Variants in WDR81 observed in about 807,000 individuals in gnomAD.
WDR81 encodes the protein WD repeat-containing protein 81.
Under a neutral mutation model 140.8 loss-of-function variants are expected in WDR81, and 92 were observed. That is an observed-to-expected ratio of 0.65 (90% CI 0.55 to 0.78). The LOEUF (loss-of-function observed/expected upper bound fraction) is 0.78, where lower values mean the gene tolerates loss of function less well. WDR81 is among the 30% of genes least tolerant of loss of function. The pLI, the probability that WDR81 is intolerant of heterozygous loss-of-function variation, is 0.00. For synonymous variants in WDR81, 1,183 were observed against 1,156.4 expected (o/e 1.02, Z -0.47); for missense variants, 2,502 against 2,636.4 (o/e 0.95, Z 1.12).
Position 1,727,321 on chromosome 17 carries a change from C to T in WDR81, c.2362C>T (p.Arg788Trp), listed in dbSNP as rs746764989. The T allele has an allele frequency of 5.7e-5, 89 of 1,549,734 alleles. No individual in the cohort carries two copies. Among genetic ancestry groups the T allele is most frequent in the Non-Finnish European group, 7.3e-5 (84 of 1,147,000 alleles). The change falls in exon 1 of 10, where the codon CGG becomes TGG. Residue 788 changes from arginine to tryptophan, a missense_variant. Arg to Trp is a moderately radical substitution (Grantham distance 101, BLOSUM62 -3). Transcript: ENST00000409644. ...AGAGATGGTGTTTGCCACCAGGGTGCGGACGCTGCAGCCCGATGCACCTTT... is the reference window on the plus strand; with the variant it reads ...AGAGATGGTGTTTGCCACCAGGGTGTGGACGCTGCAGCCCGATGCACCTTT... Reference protein sequence around the residue: ...LAEMVFATRVRTLQPDAPLWV... With the variant: ...LAEMVFATRVWTLQPDAPLWV...
chr17:1,730,320 G>C, intron 1 of WDR81, 60 bp from the exon 2 acceptor site: 6 of 1,405,158 alleles, frequency 4.3e-6, no homozygotes, highest in Non-Finnish European at 5.8e-6. Context: ...GTGGGGTGGG[G>C]TGGGAGGGGT....
chr17:1,722,128 A>G (rs1914897703), upstream of WDR81, among the ~76,000 whole-genome samples: 2 of 152,128 alleles, frequency 1.3e-5, no homozygotes, highest in Non-Finnish European at 2.9e-5. Context: ...TGTCTTAAAA[A>G]AAAAAATCTT....
rs1904424758 is a variant in WDR81, at chr17:1,732,376, C to G, written c.4209C>G (p.Ser1403Arg). The G allele has an allele frequency of 2.5e-6, 4 of 1,613,544 alleles. No homozygotes were observed. Among genetic ancestry groups the G allele is most frequent in the African/African-American group, 1.3e-5 (1 of 74,938 alleles). ...CCATCCTGTGTGTGAAAACCATCAG[C>G]CTCATCGCCCTCATCTGCCTGCGCA... ...ARTILCVKTISLIALICLRIG... is the reference protein window; with the variant it reads ...ARTILCVKTIRLIALICLRIG... Residue 1403 changes from serine (S) to arginine (R), a missense_variant, in exon 5 of 10, where the codon AGC (serine) becomes AGG (arginine). Physicochemically the swap from Ser to Arg is moderately radical, Grantham distance 110. Coordinates refer to ENST00000409644, the MANE Select transcript of WDR81 (RefSeq NM_001163809.2).
At position 1,727,172 on chromosome 17, in the gene WDR81, G is replaced by A. The variant is rs1402201312; in HGVS notation, c.2213G>A (p.Gly738Asp). ...GCCCTGGAGGAGCTGGAGAAAACGG[G>A]CAACTTCTTGGCCAAAGGCCTAGGG... ...MQALEELEKT[G>D]NFLAKGLGGL... Residue 738 changes from glycine to aspartate, a missense_variant, in exon 1 of 10, where the codon GGC becomes GAC. Physicochemically the swap from Gly to Asp is moderately conservative, Grantham distance 94 (BLOSUM62 -1). This residue lies in a region of WDR81 where 1,737 missense variants were observed against 1,843.0 expected (regional missense o/e 0.94). Transcript: ENST00000409644. 4.5e-6 allele frequency: 7 copies of A among 1,547,874 alleles called. No homozygotes were observed. The highest frequency in any genetic ancestry group is 4.1e-5 in the African/African-American group (3 of 72,968).
rs1327576809 is a variant in WDR81, at chr17:1,727,452, C to T, written c.2493C>T (p.Pro831=). 9.0e-6 allele frequency: 14 copies of T among 1,550,290 alleles called. No homozygotes were observed. Among genetic ancestry groups the T allele is most frequent in the African/African-American group, 2.7e-5 (2 of 73,050 alleles). Residue 831 remains proline, a synonymous_variant, in exon 1 of 10, where the codon CCC becomes CCT. Transcript: ENST00000409644. ...ACACACTCCTGCAGATGAGTGGCCC[C>T]GAAGTCCCCATGGGAGCAGAGAGGG... ...VLDTLLQMSG[P]EVPMGAERGK... is the part of the protein sequence containing the mutation.
chr17:1,724,990 G>T lies in WDR81; in HGVS notation c.31G>T (p.Ala11Ser). The T allele has an allele frequency of 6.8e-7, 1 of 1,463,446 alleles. No individual in the cohort carries two copies. The highest frequency in any genetic ancestry group is 9.0e-7 in the Non-Finnish European group (1 of 1,111,126). The allele number at this position is 1,463,446 out of a possible 1,614,324, so 90.7% of individuals were successfully genotyped here. Residue 11 changes from alanine to serine, a missense_variant, in exon 1 of 10, where the codon GCT becomes TCT. Transcript: ENST00000409644. MAQGSGGREG[A>S]LRTPAGGWHS... ...CCAGGGCAGCGGGGGGCGGGAAGGC[G>T]CTCTCAGAACCCCGGCCGGGGGCTG...
rs1277907949 is a variant in WDR81 at position 1,732,661 on chromosome 17, C to T, written c.4324-5C>T. The T allele has an allele frequency of 3.1e-6, 5 of 1,598,736 alleles. No homozygotes were observed. In the East Asian group the frequency reaches 6.7e-5, roughly 21 times the overall value. On this transcript the variant is annotated splice_polypyrimidine_tract_variant and splice_region_variant and intron_variant, in intron 5 of 9. Transcript: ENST00000409644. ...CGGCTGACCCCCTGGGTGTCTTGCT[C>T]ATAGGATCTGAAGCTGGACCCTGCG...
At chr17:1,721,949 C>T (rs186580096), upstream of WDR81, among the ~76,000 whole-genome samples, 1 of 152,120 alleles carries the variant, frequency 6.6e-6, no homozygotes, top group Admixed American at 6.6e-5. Context: ...CATGGAGAAA[C>T]CCTGTCTCTA....
chr17:1,736,036 C>G lies in WDR81; in HGVS notation c.5326-3C>G. ...CCTCAGCTCAGCCGCCCTCTCCCTG[C>G]AGCACGAGTTCCGACTGGGCGGTGG... On this transcript the variant is annotated splice_polypyrimidine_tract_variant and splice_region_variant and intron_variant, in intron 8 of 9. Coordinates refer to ENST00000409644, the MANE Select transcript of WDR81 (RefSeq NM_001163809.2). The G allele has an allele frequency of 6.3e-7, 1 of 1,591,380 alleles. No homozygotes were observed. The highest frequency in any genetic ancestry group is 8.5e-7 in the Non-Finnish European group (1 of 1,174,594).
chr17:1,734,866 C>T (rs547070956), intron 7 of WDR81, among the ~76,000 whole-genome samples: 4 of 151,080 alleles, frequency 2.6e-5, no homozygotes, highest in Non-Finnish European at 4.4e-5. Flanking sequence ...TATTTTTTGG[C>T]GTCACCATAG....
rs769450293 is a variant in WDR81, at chr17:1,732,832, G to A, written c.4489+1G>A. ...TACGTGCCCTTCTCCTGCCTGTTGG[G>A]TACTGCCCCATCACGTTCCCCATCA... On this transcript the variant is annotated splice_donor_variant, in intron 6 of 9. Transcript: ENST00000409644. LOFTEE classifies it high-confidence loss of function. 4 of 1,598,442 alleles carry A rather than the reference G, an allele frequency of 2.5e-6. No homozygotes were observed. The highest frequency in any genetic ancestry group is 1.1e-5 in the South Asian group (1 of 89,590).
upstream of WDR81, among the ~76,000 whole-genome samples, chr17:1,721,571 CAGCATTTT>C (rs375816409): frequency 3.7e-3 from 557 of 152,022 alleles, 6 homozygotes; most frequent in African/African-American, 0.012. Context: ...CCTGTAATCC[CAGCATTTT>C]GAGAGGCCGA....
At chr17:1,730,003 A>AAAAAAG (rs1555563756) in intron 1 of WDR81, among the ~76,000 whole-genome samples, 1 of 145,044 alleles carries the variant, frequency 6.9e-6, no homozygotes, top group African/African-American at 2.5e-5. Context: ...AAAAAAAAAA[A>AAAAAAG]AAGAAGAAGA....
chr17:1,724,713 G>A lies in WDR81; in HGVS notation c.-247G>A, dbSNP rs565170518. The stretch of plus-strand genomic sequence containing the variant: ...TCACGTGACCCGCGTCAGCTGACCC[G>A]TCACGGTGGAGCCCGGTGCTCGCGC... On this transcript the variant is annotated 5_prime_UTR_variant, in exon 1 of 10. Coordinates refer to ENST00000409644, the MANE Select transcript of WDR81 (RefSeq NM_001163809.2). The A allele has an allele frequency of 5.7e-4, 623 of 1,091,010 alleles. 3 individuals are homozygous for A. The African/African-American group carries it at 9.3e-3, about 16-fold the overall frequency. 67.6% of individuals were successfully genotyped at this position (1,091,010 alleles called of 1,614,324 possible).
chr17:1,730,560 G>A (rs184886202), intron 2 of WDR81, 73 bp downstream of exon 2: 29 of 1,496,058 alleles, frequency 1.9e-5, no homozygotes, highest in Middle Eastern at 1.7e-4. Context: ...AGCGCTCTCC[G>A]GCGGGGATCC....
chr17:1,727,909 A>C lies in WDR81; in HGVS notation c.2950A>C (p.Thr984Pro). 1 of 1,550,696 alleles carries C rather than the reference A, an allele frequency of 6.4e-7. No homozygotes were observed. The highest frequency in any genetic ancestry group is 8.7e-7 in the Non-Finnish European group (1 of 1,147,042). ...GCTACACGGCCGCTTCTACCTGTAC[A>C]CGGACTGCTTTGTGGCCCAGCTGAT... ...CQLHGRFYLY[T>P]DCFVAQLMVR... The change falls in exon 1 of 10, where the codon ACG becomes CCG. Residue 984 changes from threonine to proline, a missense_variant. Thr to Pro is a conservative substitution (Grantham distance 38, BLOSUM62 -1). Around this residue, in one of 3 missense-constraint regions of WDR81, gnomAD observed 1,737 missense variants for 1,843.0 expected, o/e 0.94. Coordinates refer to ENST00000409644, the MANE Select transcript of WDR81 (RefSeq NM_001163809.2).
Position 1,728,421 on chromosome 17 carries a change from G to A in WDR81, c.3462G>A (p.Glu1154=). 6.2e-7 allele frequency: 1 copy of A among 1,612,672 alleles called. No homozygotes were observed. Among genetic ancestry groups the A allele is most frequent in the Non-Finnish European group, 8.5e-7 (1 of 1,179,604 alleles). Residue 1154 remains glutamate, a synonymous_variant, in exon 1 of 10, where the codon GAG becomes GAA. Transcript: ENST00000409644. ...QDLKQSEGSE[E]EEEEEDSCVV... ...TGAAGCAAAGCGAGGGCTCCGAGGA[G>A]GAAGAGGAGGAGGAGGACAGCTGCG... is the stretch of plus-strand genomic sequence containing the variant.
intron 6 of WDR81, 55 bp downstream of exon 6, chr17:1,732,886 G>A (rs7221593): frequency 2.6e-6 from 4 of 1,546,590 alleles, no homozygotes; most frequent in Non-Finnish European, 3.5e-6. Context: ...CCTCCCTTGG[G>A]AGGCCCCATT....
rs1030617768 is a variant in WDR81 at position 1,737,740 on chromosome 17, C to T, written c.*55C>T. 196 of 1,532,014 alleles carry T rather than the reference C, an allele frequency of 1.3e-4. No homozygotes were observed. In the Middle Eastern group the frequency reaches 1.9e-3, roughly 15 times the overall value. The allele number at this position is 1,532,014 out of a possible 1,614,324, so 94.9% of individuals were successfully genotyped here. ...GGGAAGACATCTGCGGGCGCGTGTC[C>T]ACTCACCCTGTTCCCTGAGCAGCAG... On this transcript the variant is annotated 3_prime_UTR_variant, in exon 10 of 10. Coordinates refer to ENST00000409644, the MANE Select transcript of WDR81 (RefSeq NM_001163809.2).
Sources: allele counts gnomAD v4.1 joint callset (sites outside exome capture counted in the v4.1 genomes callset), GRCh38; gene constraint gnomAD v4.1.1; regional missense constraint gnomAD v4.1.1; transcripts MANE v1.5; gene names NCBI Gene and HGNC (gene_info 2026-07-23, HGNC 2026-07-21).